Variants in CNTN5 observed in about 807,000 individuals in gnomAD.
The protein encoded by CNTN5 is contactin 5.
In CNTN5, 77 loss-of-function variants were observed where a neutral mutation model predicts 129.1. The ratio of observed to expected loss-of-function variants is 0.60; its 90% CI spans 0.50 to 0.72. The LOEUF (loss-of-function observed/expected upper bound fraction) is 0.72. Among genes scored for constraint, CNTN5 ranks in the 30% least tolerant of loss-of-function variants. CNTN5 has a pLI of 0.00. For missense variants in CNTN5, 1,478 were observed against 1,328.8 expected (o/e 1.11, Z -1.75); for synonymous variants, 509 against 465.6 (o/e 1.09, Z -1.20).
At chr11:99,666,336 T>C (rs1952791982) in intron 3 of CNTN5, among the ~76,000 whole-genome samples, 1 of 152,148 alleles carries the variant, frequency 6.6e-6, no homozygotes, top group South Asian at 2.1e-4. Context: ...GGAGATGCAA[T>C]GGGGAAGAAC....
intron 1 of CNTN5, among the ~76,000 whole-genome samples, chr11:99,209,061 A>G (rs12362676): frequency 0.34 from 51,922 of 152,040 alleles, 9,317 homozygotes; most frequent in Middle Eastern, 0.5. Context: ...TATAAAATCT[A>G]TTTTAAAATA....
Position 99,493,385 on chromosome 11 carries a change from C to T in CNTN5, c.-70-62760C>T, listed in dbSNP as rs117224422. The stretch of plus-strand genomic sequence containing the variant: ...ATTTGGGCTCATTTCATGCACCCAA[C>T]GAACAACTCCAATAAATGCCATGTG... On this transcript the variant is annotated intron_variant, in intron 2 of 24. Transcript: ENST00000524871. 7.9e-3 allele frequency among the ~76,000 whole-genome samples: 1,197 copies of T among 152,300 alleles called. 7 individuals carry two copies. Among genetic ancestry groups the T allele is most frequent in the Middle Eastern group, 0.031 (9 of 294 alleles).
chr11:99,122,193 C>T (rs1051881510), intron 1 of CNTN5, among the ~76,000 whole-genome samples: 3 of 151,896 alleles, frequency 2.0e-5, no homozygotes, highest in Admixed American at 2.0e-4. Context: ...AATTTATTTT[C>T]TGAGAAGGTC....
intron 3 of CNTN5, among the ~76,000 whole-genome samples, chr11:99,777,006 T>C (rs566948998): frequency 6.4e-4 from 97 of 152,026 alleles, no homozygotes; most frequent in Non-Finnish European, 1.1e-3. Context: ...CAAAATGTTA[T>C]ATTGAGTTTT....
intron 2 of CNTN5, among the ~76,000 whole-genome samples, chr11:99,333,552 A>C (rs1242084441): frequency 6.6e-6 from 1 of 152,068 alleles, no homozygotes; most frequent in African/African-American, 2.4e-5. Context: ...AACATTTTAT[A>C]ATTACTTTCT....
At chr11:99,213,685 T>A (rs150871546) in intron 1 of CNTN5, among the ~76,000 whole-genome samples, 12 of 152,118 alleles carry the variant, frequency 7.9e-5, no homozygotes, top group African/African-American at 2.9e-4. Flanking sequence ...TTACAGAATG[T>A]CTCAGGTGAC....
At chr11:99,160,092 T>C (rs2135511589) in intron 1 of CNTN5, among the ~76,000 whole-genome samples, 1 of 152,304 alleles carries the variant, frequency 6.6e-6, no homozygotes, top group Non-Finnish European at 1.5e-5. Flanking sequence ...ATTAAAACTG[T>C]AATATAGGAA....
chr11:99,192,921 A>G (rs894504584), intron 1 of CNTN5, among the ~76,000 whole-genome samples: 1 of 152,100 alleles, frequency 6.6e-6, no homozygotes, highest in African/African-American at 2.4e-5. Flanking sequence ...CCATCTCCAT[A>G]TGTTGCTGGC....
chr11:99,459,978 G>A (rs1944634010), intron 2 of CNTN5, among the ~76,000 whole-genome samples: 1 of 151,830 alleles, frequency 6.6e-6, no homozygotes, highest in Non-Finnish European at 1.5e-5. Context: ...TAGGAGCAGA[G>A]ATTATTTTAA....
chr11:99,091,021 C>CAAAAAA (rs68113369), intron 1 of CNTN5, among the ~76,000 whole-genome samples: 1,880 of 56,754 alleles, frequency 0.033, 278 homozygotes, highest in African/African-American at 0.11. Context: ...GACTCCGTCT[C>CAAAAAA]AAAAAAAAAA....
rs780062670 is a variant in CNTN5 at position 100,340,483 on chromosome 11, G to A, written c.2751G>A (p.Met917Ile). ...GATAGGTTGGTTACTGGAAAGACAT[G>A]GAACAGGAAGATACAGCAGAAACAG... ...QGFEVGYWKD[M>I]EQEDTAETVK... is the part of the protein sequence containing the mutation. The change falls in exon 22 of 25, where the codon ATG (methionine) becomes ATA (isoleucine). Residue 917 changes from methionine (M) to isoleucine (I), a missense_variant. Physicochemically the swap from Met to Ile is conservative, Grantham distance 10. Transcript: ENST00000524871. The A allele has an allele frequency of 1.2e-6, 2 of 1,610,092 alleles. No homozygotes were observed.
chr11:99,269,304 A>G (rs1398526517), intron 1 of CNTN5, among the ~76,000 whole-genome samples: 2 of 151,790 alleles, frequency 1.3e-5, no homozygotes, highest in Non-Finnish European at 2.9e-5. Flanking sequence ...TACTTTAGGT[A>G]ATAGTTTAAT....
intron 6 of CNTN5, among the ~76,000 whole-genome samples, chr11:99,909,650 T>C (rs955712024): frequency 6.6e-6 from 1 of 152,134 alleles, no homozygotes; most frequent in Non-Finnish European, 1.5e-5. Context: ...TATGAGTTCA[T>C]GTCCTTTGTA....
intron 3 of CNTN5, among the ~76,000 whole-genome samples, chr11:99,725,657 T>C (rs921287368): frequency 5.3e-5 from 8 of 150,710 alleles, no homozygotes; most frequent in African/African-American, 1.5e-4. Flanking sequence ...TCAAAAAAGA[T>C]ATTATTTTTA....
chr11:99,600,082 T>G (rs953442231), intron 3 of CNTN5, among the ~76,000 whole-genome samples: 3 of 152,122 alleles, frequency 2.0e-5, no homozygotes, highest in African/African-American at 7.2e-5. Flanking sequence ...CAGTCGTTGA[T>G]AGCAGAGTAA....
At chr11:100,199,904 A>AAT (rs1948735720) in intron 15 of CNTN5, among the ~76,000 whole-genome samples, 1 of 152,020 alleles carries the variant, frequency 6.6e-6, no homozygotes, top group Non-Finnish European at 1.5e-5. Flanking sequence ...TCAGCTAGCC[A>AAT]ATGCTGTTTC....
intron 2 of CNTN5, among the ~76,000 whole-genome samples, chr11:99,525,318 C>T (rs1168084258): frequency 1.3e-5 from 2 of 152,100 alleles, no homozygotes; most frequent in Admixed American, 6.6e-5. Flanking sequence ...CAGCACACAG[C>T]TTGTTTAAAG....
intron 3 of CNTN5, among the ~76,000 whole-genome samples, chr11:99,704,222 G>A (rs1270436470): frequency 6.6e-6 from 1 of 150,810 alleles, no homozygotes; most frequent in Non-Finnish European, 1.5e-5. Flanking sequence ...ATCCCAGACT[G>A]GGAATCCACC....
chr11:99,091,676 A>G (rs957933948), intron 1 of CNTN5, among the ~76,000 whole-genome samples: 24 of 152,122 alleles, frequency 1.6e-4, no homozygotes, highest in African/African-American at 5.8e-4. Flanking sequence ...AGAGCAGAGG[A>G]AGGGAACTTA....
Sources: gnomAD v4.1 joint callset for allele counts (sites outside exome capture counted in the v4.1 genomes callset) on GRCh38, gnomAD v4.1.1 for gene constraint, MANE v1.5 for transcripts, NCBI Gene and HGNC (gene_info 2026-07-23, HGNC 2026-07-21) for gene names.